TFEC: variants seen among roughly 807,000 people sequenced by gnomAD.
TFEC encodes class E basic helix-loop-helix protein 34.
A neutral mutation model predicts 41.6 loss-of-function variants in TFEC; 31 were observed. The observed-to-expected ratio is 0.74, with a 90% confidence interval of 0.56 to 1.01. The LOEUF is 1.01. Among genes scored for constraint, TFEC ranks in the 50% least tolerant of loss-of-function variants. The pLI, the probability that TFEC is intolerant of heterozygous loss-of-function variation, is 0.00. For missense variants in TFEC, 402 were observed against 404.1 expected (o/e 0.99, Z 0.04); for synonymous variants, 143 against 140.6 (o/e 1.02, Z -0.12).
chr7:116,031,706 T>C (rs1343428006), upstream of TFEC, among the ~76,000 whole-genome samples: 1 of 152,146 alleles, frequency 6.6e-6, no homozygotes, highest in Admixed American at 6.6e-5. Flanking sequence ...ACATTTGTGT[T>C]TGTCAAGAAG....
chr7:115,968,712 T>A (rs1448824498), intron 3 of TFEC, among the ~76,000 whole-genome samples: 1 of 151,828 alleles, frequency 6.6e-6, no homozygotes, highest in African/African-American at 2.4e-5. Context: ...ATCATAGGAT[T>A]CTATAGTTCT....
chr7:116,121,838 G>GCTAAAAGCCCTGACCATT (rs1798113999), intron 1 of TFEC, among the ~76,000 whole-genome samples: 1 of 151,990 alleles, frequency 6.6e-6, no homozygotes, highest in African/African-American at 2.4e-5. Flanking sequence ...GCCCTGATTG[G>GCTAAAAGCCCTGACCATT]TCCAAAAGGT....
chr7:116,117,303 C>A (rs1798012159), intron 1 of TFEC, among the ~76,000 whole-genome samples: 1 of 151,838 alleles, frequency 6.6e-6, no homozygotes, highest in South Asian at 2.1e-4. Flanking sequence ...ATCCATACAA[C>A]ATTTCACCAC....
chr7:115,935,569 C>A lies in TFEC; in HGVS notation c.*4982G>T, dbSNP rs1408158659. ...AAAATTCAGTATCATATTTAAAGAACAATATGTAACTTCTTGATTATATAT... is the reference window on the plus strand; with the variant it reads ...AAAATTCAGTATCATATTTAAAGAAAAATATGTAACTTCTTGATTATATAT... On this transcript the variant is annotated 3_prime_UTR_variant, in exon 8 of 8. Coordinates refer to ENST00000265440, the MANE Select transcript of TFEC (RefSeq NM_012252.4). 1 of 151,712 alleles carries A rather than the reference C, an allele frequency of 6.6e-6. No individual in the cohort carries two copies. Among genetic ancestry groups the A allele is most frequent in the African/African-American group, 2.4e-5 (1 of 41,402 alleles). The allele number at this position is 151,712 out of a possible 1,614,324, so 9.4% of individuals were successfully genotyped here. A position where few individuals can be genotyped will look rare whatever the true frequency, so the allele number is the denominator to read the frequency against.
At chr7:116,074,833 G>A (rs755420004) in intron 3 of TFEC, among the ~76,000 whole-genome samples, 8 of 152,184 alleles carry the variant, frequency 5.3e-5, no homozygotes, top group Non-Finnish European at 1.0e-4. Context: ...TTATAGCAGC[G>A]TTATTCACAA....
chr7:116,094,495 A>G (rs1373134995), intron 3 of TFEC, among the ~76,000 whole-genome samples: 1 of 151,978 alleles, frequency 6.6e-6, no homozygotes. Context: ...CCTGGCTAAT[A>G]TGATGAAATC....
At chr7:116,068,979 T>C (rs778478955) in intron 3 of TFEC, among the ~76,000 whole-genome samples, 27 of 151,502 alleles carry the variant, frequency 1.8e-4, no homozygotes, top group Non-Finnish European at 3.3e-4. Flanking sequence ...TTGAAGAAAA[T>C]AGAAAACATA....
intron 3 of TFEC, among the ~76,000 whole-genome samples, chr7:116,066,068 A>G (rs1464493089): frequency 6.6e-6 from 1 of 152,214 alleles, no homozygotes; most frequent in Non-Finnish European, 1.5e-5. Context: ...AATGCTAGCA[A>G]AGCCCATTAC....
intron 3 of TFEC, among the ~76,000 whole-genome samples, chr7:116,041,264 G>A (rs1023338259): frequency 2.0e-5 from 3 of 150,734 alleles, no homozygotes; most frequent in African/African-American, 7.3e-5. Context: ...AACAACTAAT[G>A]AGGAAAAGAA....
At chr7:115,992,147 T>A (rs183390089) in intron 1 of TFEC, among the ~76,000 whole-genome samples, 216 of 152,316 alleles carry the variant, frequency 1.4e-3, no homozygotes, top group Non-Finnish European at 2.4e-3. Context: ...AAAGATGTTC[T>A]TTGAAACCAA....
chr7:116,052,128 G>A (rs1249107537), intron 3 of TFEC, among the ~76,000 whole-genome samples: 1 of 151,224 alleles, frequency 6.6e-6, no homozygotes, highest in African/African-American at 2.4e-5. Flanking sequence ...GATTGGTCAA[G>A]GTAGAGACAC....
intron 3 of TFEC, among the ~76,000 whole-genome samples, chr7:115,964,496 T>A (rs1032277656): frequency 1.3e-5 from 2 of 151,582 alleles, no homozygotes; most frequent in African/African-American, 4.8e-5. Context: ...ACACTTTGAA[T>A]TCAAAAGCTA....
chr7:116,042,724 C>T (rs536755194), intron 3 of TFEC, among the ~76,000 whole-genome samples: 3 of 152,194 alleles, frequency 2.0e-5, no homozygotes, highest in African/African-American at 4.8e-5. Context: ...CAGGGATGAT[C>T]GGGAAAATGA....
chr7:116,070,481 T>C (rs536256994), intron 3 of TFEC, among the ~76,000 whole-genome samples: 1 of 151,604 alleles, frequency 6.6e-6, no homozygotes, highest in Non-Finnish European at 1.5e-5. Flanking sequence ...TAGTGTTAAA[T>C]GCCTTAGTAT....
chr7:115,941,148 G>T, intron 7 of TFEC: 1 of 498,022 alleles, frequency 2.0e-6, no homozygotes, highest in Non-Finnish European at 3.5e-6. Context: ...TTTAAGTTTG[G>T]TCTCATTGTT....
intron 6 of TFEC, among the ~76,000 whole-genome samples, chr7:115,948,686 A>T (rs1791751922): frequency 6.6e-6 from 1 of 151,244 alleles, no homozygotes; most frequent in Non-Finnish European, 1.5e-5. Flanking sequence ...TTAGGTATTG[A>T]TGGGACGTAT....
chr7:116,070,825 A>G (rs1796809901), intron 3 of TFEC, among the ~76,000 whole-genome samples: 1 of 151,368 alleles, frequency 6.6e-6, no homozygotes, highest in South Asian at 2.1e-4. Context: ...TGTTCCTTTT[A>G]TTAGAGAAGC....
rs889867925 is a variant in TFEC at position 116,102,846 on chromosome 7, T to C, written c.198+7862A>G. 2.0e-5 allele frequency among the ~76,000 whole-genome samples: 3 copies of C among 152,204 alleles called. No individual in the cohort carries two copies. In the East Asian group the frequency reaches 5.8e-4, roughly 29 times the overall value. ...GAATGTGTAGCTCAGAGGAGGGCTA[T>C]AAATGAGACAAATATTTGTAGGTTG... On this transcript the variant is annotated intron_variant, in intron 3 of 8. Coordinates refer to the TFEC transcript ENST00000484212.
chr7:116,083,452 TCA>T (rs1437674039), intron 3 of TFEC, among the ~76,000 whole-genome samples: 1 of 151,956 alleles, frequency 6.6e-6, no homozygotes, highest in East Asian at 1.9e-4. Context: ...TAGGAATTTC[TCA>T]CTTTTTCTCC....
Sources: gnomAD v4.1 joint callset for allele counts (sites outside exome capture counted in the v4.1 genomes callset) on GRCh38, gnomAD v4.1.1 for gene constraint, MANE v1.5 for transcripts, NCBI Gene and HGNC (gene_info 2026-07-23, HGNC 2026-07-21) for gene names.